The following GRIK4 variants were observed in gnomAD, a reference collection of about 807,000 sequenced individuals.
GRIK4 encodes glutamate receptor ionotropic, kainate 4.
A neutral mutation model predicts 104.9 loss-of-function variants in GRIK4; 40 were observed. That is an observed-to-expected ratio of 0.38 (90% CI 0.30 to 0.50). GRIK4 has a LOEUF of 0.50. Ranked by LOEUF, GRIK4 falls within the 20% of genes least tolerant of loss-of-function variation. The pLI, the probability that GRIK4 is intolerant of heterozygous loss-of-function variation, is 0.93. For missense variants in GRIK4, 1,047 were observed against 1,308.1 expected (o/e 0.80, Z 3.08); for synonymous variants, 485 against 524.9 (o/e 0.92, Z 1.04).
At chr11:120,716,821 C>G (rs950191788) in intron 3 of GRIK4, among the ~76,000 whole-genome samples, 12 of 152,180 alleles carry the variant, frequency 7.9e-5, no homozygotes, top group Non-Finnish European at 1.5e-4. Flanking sequence ...TGCCACCGCT[C>G]TGCTCATCAG....
At chr11:120,981,984 G>T (rs1944660278) in intron 19 of GRIK4, 122 bp from the exon 20 acceptor site, 1 of 715,876 alleles carries the variant, frequency 1.4e-6, no homozygotes, top group Non-Finnish European at 2.5e-6. Flanking sequence ...AGATGCATGG[G>T]TGTCTACTTG....
At chr11:120,941,507 A>ATATGTT (rs1213739202) in intron 14 of GRIK4, among the ~76,000 whole-genome samples, 1 of 152,050 alleles carries the variant, frequency 6.6e-6, no homozygotes, top group Non-Finnish European at 1.5e-5. Context: ...CCACCAAAAT[A>ATATGTT]TATGTTGAAT....
At chr11:120,936,877 G>A (rs571730087) in intron 13 of GRIK4, among the ~76,000 whole-genome samples, 1 of 151,386 alleles carries the variant, frequency 6.6e-6, no homozygotes, top group East Asian at 1.9e-4. Context: ...CCAGGAGGCA[G>A]AGGAGCAGAA....
At position 120,956,717 on chromosome 11, in the gene GRIK4, C is replaced by T; in HGVS notation, c.1701-63C>T. ...TCAGAGGTGAGACCAGCCAGGAGAG[C>T]CTGCCTGTGTCCCTTCACACCCCGC... is the stretch of plus-strand genomic sequence containing the variant. On this transcript the variant is annotated intron_variant, in intron 15 of 20. Transcript: ENST00000527524. This position sits in a 1 kb window ranked among gnomAD's most constrained non-coding sequence, Gnocchi z 4.6. 1 of 1,282,324 alleles carries T rather than the reference C, an allele frequency of 7.8e-7. No individual in the cohort carries two copies. The highest frequency in any genetic ancestry group is 2.6e-5 in the East Asian group (1 of 38,324). 79.4% of individuals were successfully genotyped at this position (1,282,324 alleles called of 1,614,324 possible).
chr11:120,542,882 C>G (rs976977862), intron 1 of GRIK4, among the ~76,000 whole-genome samples: 3 of 152,226 alleles, frequency 2.0e-5, no homozygotes, highest in African/African-American at 4.8e-5. Flanking sequence ...AAACTGAAGA[C>G]CTAGGGGAAG....
At chr11:120,528,226 C>T (rs144223347) in intron 1 of GRIK4, among the ~76,000 whole-genome samples, 1,531 of 152,292 alleles carry the variant, frequency 0.01, 20 homozygotes, top group African/African-American at 0.035. Context: ...GTCTGCCTGC[C>T]TCAACCTCCC....
At chr11:120,866,840 C>A (rs561788508) in intron 9 of GRIK4, among the ~76,000 whole-genome samples, 2 of 152,124 alleles carry the variant, frequency 1.3e-5, no homozygotes, top group African/African-American at 2.4e-5. Flanking sequence ...TTGCTGAGGA[C>A]GGCAGGGCTC....
chr11:120,728,838 A>G (rs139601003), intron 3 of GRIK4, among the ~76,000 whole-genome samples: 1,785 of 152,278 alleles, frequency 0.012, 31 homozygotes, highest in African/African-American at 0.04. Context: ...TGTGCTAGCA[A>G]ATACTAGGTC....
At chr11:120,948,528 C>A (rs1943920198) in intron 14 of GRIK4, among the ~76,000 whole-genome samples, 1 of 152,152 alleles carries the variant, frequency 6.6e-6, no homozygotes, top group Non-Finnish European at 1.5e-5. Flanking sequence ...AGTCTTCCTT[C>A]CAGAAGAAAG....
At chr11:120,526,023 A>G (rs1947852466) in intron 1 of GRIK4, among the ~76,000 whole-genome samples, 1 of 152,136 alleles carries the variant, frequency 6.6e-6, no homozygotes, top group African/African-American at 2.4e-5. Context: ...GTACTGTGTG[A>G]TTTTATTTAT....
intron 3 of GRIK4, among the ~76,000 whole-genome samples, chr11:120,709,890 G>C (rs751246959): frequency 4.6e-5 from 7 of 152,188 alleles, no homozygotes; most frequent in Non-Finnish European, 7.3e-5. Flanking sequence ...AGAGTGTACT[G>C]TTCTGTCTGT....
At chr11:120,686,671 C>G (rs1304470123) in intron 3 of GRIK4, among the ~76,000 whole-genome samples, 1 of 152,246 alleles carries the variant, frequency 6.6e-6, no homozygotes, top group Non-Finnish European at 1.5e-5. Flanking sequence ...CAGGCTGTCT[C>G]AACGTTATTG....
chr11:120,873,071 A>T (rs1447929384), intron 9 of GRIK4: 1 of 152,228 alleles, frequency 6.6e-6, no homozygotes, highest in Non-Finnish European at 1.5e-5. Flanking sequence ...CCCTGCCCTG[A>T]GAAGCTTGCA....
intron 1 of GRIK4, among the ~76,000 whole-genome samples, chr11:120,618,565 T>G (rs551792597): frequency 5.3e-5 from 8 of 152,324 alleles, no homozygotes; most frequent in African/African-American, 1.9e-4. Flanking sequence ...TGGCAGCTTG[T>G]CCCATCGTAG....
intron 2 of GRIK4, among the ~76,000 whole-genome samples, chr11:120,655,687 G>T (rs532583966): frequency 1.3e-5 from 2 of 152,154 alleles, no homozygotes; most frequent in South Asian, 2.1e-4. Flanking sequence ...GGAGAGAAAG[G>T]TGTGGTATTT....
intron 19 of GRIK4, among the ~76,000 whole-genome samples, chr11:120,973,512 C>T (rs574579147): frequency 2.0e-5 from 3 of 152,318 alleles, no homozygotes; most frequent in East Asian, 1.9e-4. Flanking sequence ...TGTCTCTCTA[C>T]GGTCATCCTT....
chr11:120,735,476 C>G (rs1591847081), intron 3 of GRIK4, among the ~76,000 whole-genome samples: 2 of 152,190 alleles, frequency 1.3e-5, no homozygotes, highest in South Asian at 4.2e-4. Flanking sequence ...CTCAAATTGC[C>G]CTGGGTCATG....
chr11:120,832,704 C>T (rs1410272250), intron 7 of GRIK4, among the ~76,000 whole-genome samples: 6 of 152,128 alleles, frequency 3.9e-5, no homozygotes, highest in Non-Finnish European at 7.3e-5. Flanking sequence ...AGGGGCAGTG[C>T]CAGCCCCTGA....
chr11:120,661,745 G>A (rs1357061430), intron 3 of GRIK4, among the ~76,000 whole-genome samples: 1 of 152,138 alleles, frequency 6.6e-6, no homozygotes, highest in Non-Finnish European at 1.5e-5. Flanking sequence ...TCATGCAAAT[G>A]CAGAGGAGCT....
Sources: allele counts gnomAD v4.1 joint callset (sites outside exome capture counted in the v4.1 genomes callset), GRCh38; gene constraint gnomAD v4.1.1; non-coding constraint Gnocchi (gnomAD v3.1); transcripts MANE v1.5; gene names NCBI Gene and HGNC (gene_info 2026-07-23, HGNC 2026-07-21).